Variants in PDZD2 observed in about 807,000 individuals in gnomAD.
PDZD2 encodes the protein PDZ domain-containing protein 2.
In PDZD2, 90 loss-of-function variants were observed where a neutral mutation model predicts 220.7. The ratio of observed to expected loss-of-function variants is 0.41; its 90% CI spans 0.34 to 0.49. The LOEUF is 0.49. PDZD2 is among the 20% of genes least tolerant of loss of function. PDZD2 has a pLI of 0.28. For synonymous variants in PDZD2, 1,375 were observed against 1,450.5 expected, an observed-to-expected ratio of 0.95 and a Z score of 1.18; for missense variants, 3,174 against 3,608.5, an observed-to-expected ratio of 0.88 and a Z score of 3.08.
chr5:31,849,443 GAGCTTAATAAGTCATAGCTA>G (rs1165450171), intron 2 of PDZD2, among the ~76,000 whole-genome samples: 1 of 152,084 alleles, frequency 6.6e-6, no homozygotes, highest in Non-Finnish European at 1.5e-5. Flanking sequence ...ATTATAGTAA[GAGCTTAATAAGTCATAGCTA>G]TTATTATCAT....
intron 19 of PDZD2, chr5:32,077,832 C>G: frequency 2.3e-6 from 1 of 431,586 alleles, no homozygotes; most frequent in East Asian, 5.1e-5. Context: ...TGGTGCGCAC[C>G]TTTAATCCCA....
intron 14 of PDZD2, among the ~76,000 whole-genome samples, chr5:32,061,765 A>G (rs1739709533): frequency 6.6e-6 from 1 of 152,168 alleles, no homozygotes; most frequent in Non-Finnish European, 1.5e-5. Flanking sequence ...TTAAATAAGA[A>G]ATAAAAAGAA....
chr5:31,949,145 T>A (rs2111595805), intron 2 of PDZD2, among the ~76,000 whole-genome samples: 1 of 151,174 alleles, frequency 6.6e-6, no homozygotes, highest in South Asian at 2.1e-4. Flanking sequence ...GCTGGCTTCT[T>A]CTCACCCCCA....
At chr5:31,763,298 C>A (rs971769799) in intron 1 of PDZD2, among the ~76,000 whole-genome samples, 1 of 152,138 alleles carries the variant, frequency 6.6e-6, no homozygotes, top group Admixed American at 6.5e-5. Flanking sequence ...GTCAGGATGA[C>A]AGTATCCTAA....
chr5:31,879,020 A>G (rs1235352283), intron 2 of PDZD2, among the ~76,000 whole-genome samples: 7 of 152,098 alleles, frequency 4.6e-5, no homozygotes, highest in Non-Finnish European at 2.9e-5. Context: ...TGATATGGTC[A>G]TTCACTGGGG....
At chr5:31,933,973 G>T (rs945386012) in intron 2 of PDZD2, among the ~76,000 whole-genome samples, 10 of 152,156 alleles carry the variant, frequency 6.6e-5, no homozygotes, top group Admixed American at 5.9e-4. Context: ...GGCTCGTTTT[G>T]TGAGTAAATG....
intron 2 of PDZD2, among the ~76,000 whole-genome samples, chr5:31,972,216 C>T (rs371313981): frequency 6.6e-6 from 1 of 152,094 alleles, no homozygotes; most frequent in African/African-American, 2.4e-5. Flanking sequence ...CAGGATCAAG[C>T]GATTCTCTAG....
At chr5:31,971,947 A>G (rs1183328491) in intron 2 of PDZD2, among the ~76,000 whole-genome samples, 1 of 152,068 alleles carries the variant, frequency 6.6e-6, no homozygotes, top group Non-Finnish European at 1.5e-5. Flanking sequence ...CCACTTTTAC[A>G]CTGGCTGTTC....
At chr5:31,938,476 G>T (rs1473772539) in intron 2 of PDZD2, among the ~76,000 whole-genome samples, 2 of 152,114 alleles carry the variant, frequency 1.3e-5, no homozygotes, top group African/African-American at 4.8e-5. Context: ...CTCTTTCCTG[G>T]TTTATGAACC....
Position 32,090,397 on chromosome 5 carries a change from C to A in PDZD2, c.6949C>A (p.Arg2317=). The change falls in exon 20 of 25, where the codon CGA becomes AGA. Residue 2317 remains arginine (R), a synonymous_variant. Coordinates refer to ENST00000438447, the MANE Select transcript of PDZD2 (RefSeq NM_178140.4). This position sits in a 1 kb window ranked among gnomAD's most constrained non-coding sequence, Gnocchi z 4.3. ...CACAGACAAAATCAAAGTCACCAGA[C>A]GACACTACTGCTATGAGCAGAACTG... ...LVTDKIKVTR[R]HYCYEQNWPH... 1 of 1,614,152 alleles carries A rather than the reference C, an allele frequency of 6.2e-7. No homozygotes were observed. The highest frequency in any genetic ancestry group is 8.5e-7 in the Non-Finnish European group (1 of 1,180,006).
chr5:31,983,048 A>G (rs1439372749), intron 2 of PDZD2, 107 bp from the exon 3 acceptor site: 3 of 1,139,244 alleles, frequency 2.6e-6, no homozygotes, highest in South Asian at 1.5e-5. Context: ...ACCTCAGTCC[A>G]TCGGCCAACT....
intron 2 of PDZD2, among the ~76,000 whole-genome samples, chr5:31,907,058 T>C (rs1300611159): frequency 6.6e-6 from 1 of 152,216 alleles, no homozygotes; most frequent in Non-Finnish European, 1.5e-5. Context: ...ACAAAGGGAT[T>C]TGTCTTGTTA....
chr5:32,105,893 T>TAA (rs905813706), intron 24 of PDZD2, among the ~76,000 whole-genome samples: 7 of 152,216 alleles, frequency 4.6e-5, no homozygotes, highest in Non-Finnish European at 1.0e-4. Flanking sequence ...CTCTCTTGTG[T>TAA]AAAAAGTCCA....
In PDZD2 at chr5:31,653,362, G is replaced by A. The variant is rs557460433; in HGVS notation, c.-361+13925G>A. Among the ~76,000 whole-genome samples the A allele has an allele frequency of 7.9e-5, 12 of 152,126 alleles. No individual in the cohort carries two copies. The South Asian group carries it at 2.5e-3, about 32-fold the overall frequency. On this transcript the variant is annotated intron_variant, in intron 1 of 24. Transcript: ENST00000438447. Reference sequence around the variant, plus strand: ...GTACTATAATAGGCCCTTCATGAAGGTTTTTTAATGAGTGAGATTAGCATC... The same window carrying A: ...GTACTATAATAGGCCCTTCATGAAGATTTTTTAATGAGTGAGATTAGCATC...
chr5:31,865,127 G>A (rs911348799), intron 2 of PDZD2, among the ~76,000 whole-genome samples: 15 of 152,018 alleles, frequency 9.9e-5, no homozygotes, highest in Admixed American at 6.6e-4. Flanking sequence ...GATTACAGGC[G>A]TGAACCATCG....
At position 31,639,360 on chromosome 5, in the gene PDZD2, T is replaced by C. The variant is rs1744846694; in HGVS notation, c.-438T>C. The C allele has an allele frequency of 6.7e-6, 1 of 150,196 alleles. No homozygotes were observed. The highest frequency in any genetic ancestry group is 2.4e-5 in the African/African-American group (1 of 41,212). 9.3% of individuals were successfully genotyped at this position (150,196 alleles called of 1,614,324 possible). A position where few individuals can be genotyped will look rare whatever the true frequency, so the allele number is the denominator to read the frequency against. ...CGGTGGTGGCCGCGGTGGCGGCAGC[T>C]GCGCGGGGACCCGCCGGGCGGCGCC... On this transcript the variant is annotated 5_prime_UTR_variant, in exon 1 of 25. Coordinates refer to ENST00000438447, the MANE Select transcript of PDZD2 (RefSeq NM_178140.4). This position sits in a 1 kb window ranked among gnomAD's most constrained non-coding sequence, Gnocchi z 4.1.
rs777075617 is a variant in PDZD2, at chr5:31,995,563, T to C, written c.979-13T>C. ...TCAACCTCCTTCATGGTGTGCTCAC[T>C]TTTTCTTCCAAGGAGGAAGTTGGCC... On this transcript the variant is annotated splice_polypyrimidine_tract_variant and intron_variant, in intron 3 of 24. Coordinates refer to ENST00000438447, the MANE Select transcript of PDZD2 (RefSeq NM_178140.4). 6.2e-6 allele frequency: 10 copies of C among 1,613,820 alleles called. No homozygotes were observed. In the African/African-American group the frequency reaches 6.7e-5, roughly 11 times the overall value.
At chr5:31,744,859 A>G (rs1580670834) in intron 1 of PDZD2, among the ~76,000 whole-genome samples, 1 of 151,982 alleles carries the variant, frequency 6.6e-6, no homozygotes. Flanking sequence ...TCTTGAGGTC[A>G]GGAGATTGAG....
chr5:31,757,514 C>T (rs1044129183), intron 1 of PDZD2, among the ~76,000 whole-genome samples: 2 of 151,994 alleles, frequency 1.3e-5, no homozygotes, highest in Non-Finnish European at 2.9e-5. Context: ...ATGGCATAAA[C>T]CTGAGAGGCG....
Sources: allele counts gnomAD v4.1 joint callset (sites outside exome capture counted in the v4.1 genomes callset), GRCh38; gene constraint gnomAD v4.1.1; non-coding constraint Gnocchi (gnomAD v3.1); transcripts MANE v1.5; gene names NCBI Gene and HGNC (gene_info 2026-07-23, HGNC 2026-07-21).